The following FRMPD4 variants were observed in gnomAD, a reference collection of about 807,000 sequenced individuals.
FRMPD4 encodes FERM and PDZ domain-containing protein 4.
Under a neutral mutation model 94.1 loss-of-function variants are expected in FRMPD4, and 22 were observed. The observed-to-expected ratio is 0.23, with a 90% CI of 0.17 to 0.33. The LOEUF (loss-of-function observed/expected upper bound fraction) is 0.33. Among genes scored for constraint, FRMPD4 ranks in the 10% least tolerant of loss-of-function variants. The pLI, the probability that FRMPD4 is intolerant of heterozygous loss-of-function variation, is 1.00. For missense variants in FRMPD4, 1,111 were observed against 1,339.9 expected (o/e 0.83, Z 2.67); for synonymous variants, 631 against 548.6 (o/e 1.15, Z -2.10).
intron 1 of FRMPD4, among the ~76,000 whole-genome samples, chrX:11,847,163 A>G (rs2147285400): frequency 8.9e-6 from 1 of 111,954 alleles, no homozygotes; most frequent in Admixed American, 9.5e-5. Flanking sequence ...AGAATGTACA[A>G]TGAACTCAAA....
chrX:12,450,798 GAAT>G (rs1386999079), intron 1 of FRMPD4, among the ~76,000 whole-genome samples: 5 of 89,334 alleles, frequency 5.6e-5, no homozygotes, highest in Non-Finnish European at 1.1e-4. Context: ...TCTATGCCCA[GAAT>G]AATTGCCAAT....
intron 1 of FRMPD4, among the ~76,000 whole-genome samples, chrX:12,156,387 G>A (rs2055936686): frequency 8.9e-6 from 1 of 111,763 alleles, no homozygotes; most frequent in South Asian, 3.8e-4. Flanking sequence ...GGAAATGACT[G>A]TTGGTTAGGC....
At chrX:12,218,672 T>G (rs2056832838) in intron 1 of FRMPD4, among the ~76,000 whole-genome samples, 1 of 111,406 alleles carries the variant, frequency 9.0e-6, no homozygotes, top group Non-Finnish European at 1.9e-5. Context: ...CTTTCAAGGG[T>G]GATAATCATG....
At chrX:12,313,934 T>C (rs1035339847) in intron 1 of FRMPD4, among the ~76,000 whole-genome samples, 1 of 112,224 alleles carries the variant, frequency 8.9e-6, no homozygotes, top group Admixed American at 9.4e-5. Context: ...ATGTTATGTG[T>C]GTAATGTAAT....
intron 1 of FRMPD4, among the ~76,000 whole-genome samples, chrX:12,361,065 T>C (rs1325953094): frequency 9.0e-6 from 1 of 111,420 alleles, no homozygotes; most frequent in African/African-American, 3.3e-5. Flanking sequence ...TCTCATTTTG[T>C]CAGCTCACAG....
intron 1 of FRMPD4, among the ~76,000 whole-genome samples, chrX:12,240,369 C>T (rs113210759): frequency 0.027 from 2,999 of 112,167 alleles, 100 homozygotes; most frequent in African/African-American, 0.088. Flanking sequence ...AAGCATGTAT[C>T]CCCAGTGTCT....
At chrX:12,127,408 G>A (rs1315281295) in intron 3 of FRMPD4, among the ~76,000 whole-genome samples, 2 of 111,608 alleles carry the variant, frequency 1.8e-5, no homozygotes, top group African/African-American at 6.5e-5. Flanking sequence ...AGTAAAGGGG[G>A]AAAAACCCTT....
intron 2 of FRMPD4, among the ~76,000 whole-genome samples, chrX:12,499,151 A>G (rs1322212759): frequency 9.0e-6 from 1 of 111,589 alleles, no homozygotes; most frequent in East Asian, 2.8e-4. Context: ...GAAGTTGGAC[A>G]TGCAAGAATC....
chrX:11,877,998 T>C (rs2053794584), exon 3 of FRMPD4, among the ~76,000 whole-genome samples: 1 of 111,970 alleles, frequency 8.9e-6, no homozygotes, highest in African/African-American at 3.2e-5. Flanking sequence ...CAGCTGAGGA[T>C]GAAGGAGAAC....
At chrX:12,558,652 A>AT (rs60404633) in intron 2 of FRMPD4, among the ~76,000 whole-genome samples, 25 of 109,237 alleles carry the variant, frequency 2.3e-4, no homozygotes, top group Non-Finnish European at 4.2e-4. Flanking sequence ...GAATGCATGG[A>AT]TTTTTTTTTT....
At chrX:12,401,930 T>A (rs2056613348) in intron 1 of FRMPD4, among the ~76,000 whole-genome samples, 1 of 111,580 alleles carries the variant, frequency 9.0e-6, no homozygotes, top group Admixed American at 9.5e-5. Flanking sequence ...TACCAGAAGG[T>A]CAAGTCATGC....
At chrX:12,384,642 T>C (rs1210144711) in intron 1 of FRMPD4, among the ~76,000 whole-genome samples, 1 of 112,422 alleles carries the variant, frequency 8.9e-6, no homozygotes, top group Admixed American at 9.4e-5. Flanking sequence ...TCCAGAGTCA[T>C]AGAAAGAGGT....
intron 1 of FRMPD4, among the ~76,000 whole-genome samples, chrX:12,251,001 C>T (rs2054031145): frequency 8.9e-6 from 1 of 112,171 alleles, no homozygotes; most frequent in African/African-American, 3.2e-5. Flanking sequence ...ACTAACTTTA[C>T]TATGAGCACC....
At chrX:12,208,024 G>A (rs188923020) in intron 1 of FRMPD4, among the ~76,000 whole-genome samples, 38 of 111,347 alleles carry the variant, frequency 3.4e-4, no homozygotes, top group African/African-American at 1.2e-3. Flanking sequence ...CATGTCCCAG[G>A]AATGATAACT....
intron 2 of FRMPD4, among the ~76,000 whole-genome samples, chrX:12,588,215 C>T (rs1433035109): frequency 9.0e-6 from 1 of 111,722 alleles, no homozygotes; most frequent in Admixed American, 9.5e-5. Context: ...GGTCTCGAAC[C>T]CTGACCTCCA....
chrX:12,274,649 A>G (rs932791469), intron 1 of FRMPD4, among the ~76,000 whole-genome samples: 5 of 112,532 alleles, frequency 4.4e-5, no homozygotes, highest in Non-Finnish European at 9.4e-5. Context: ...AGTATGGAGC[A>G]ATGTACTCAT....
At chrX:12,069,480 T>C (rs2054948210) in intron 3 of FRMPD4, among the ~76,000 whole-genome samples, 1 of 111,611 alleles carries the variant, frequency 9.0e-6, no homozygotes, top group African/African-American at 3.3e-5. Context: ...ACAGCAGAGG[T>C]GCCGAGAAGT....
At chrX:12,664,503 A>G (rs1288910792) in intron 4 of FRMPD4, among the ~76,000 whole-genome samples, 2 of 112,090 alleles carry the variant, frequency 1.8e-5, no homozygotes, top group African/African-American at 6.5e-5. Flanking sequence ...GATGGATTAC[A>G]TTTATTGATT....
intron 1 of FRMPD4, among the ~76,000 whole-genome samples, chrX:12,382,513 T>G (rs1601879883): frequency 1.6e-5 from 1 of 60,833 alleles, no homozygotes; most frequent in Non-Finnish European, 3.0e-5. Flanking sequence ...TAGCATAGCA[T>G]AGCATAGCAT....
Sources: allele counts gnomAD v4.1 joint callset (sites outside exome capture counted in the v4.1 genomes callset), GRCh38; gene constraint gnomAD v4.1.1; transcripts MANE v1.5; gene names NCBI Gene and HGNC (gene_info 2026-07-23, HGNC 2026-07-21).